VSTM4: variants seen among roughly 807,000 people sequenced by gnomAD.
The protein encoded by VSTM4 is V-set and transmembrane domain-containing protein 4.
VSTM4 carries 20 observed loss-of-function variants against 36.4 expected under a neutral mutation model. The ratio of observed to expected loss-of-function variants is 0.55; its 90% CI spans 0.39 to 0.80. VSTM4 has a LOEUF of 0.80. Ranked by LOEUF, VSTM4 falls within the 30% of genes least tolerant of loss-of-function variation. The pLI, the probability that VSTM4 is intolerant of heterozygous loss-of-function variation, is 0.00. For synonymous variants in VSTM4, 182 were observed against 173.9 expected, an observed-to-expected ratio of 1.05 and a Z score of -0.37; for missense variants, 392 against 404.5, an observed-to-expected ratio of 0.97 and a Z score of 0.26.
At chr10:49,046,110 G>T (rs893515185) in intron 7 of VSTM4, among the ~76,000 whole-genome samples, 5 of 152,132 alleles carry the variant, frequency 3.3e-5, no homozygotes, top group Admixed American at 2.6e-4. Flanking sequence ...AGTTTCCTGA[G>T]GACTCCCAAA....
intron 5 of VSTM4, 81 bp downstream of exon 5, chr10:49,064,622 T>C (rs2131978193): frequency 6.7e-7 from 1 of 1,487,756 alleles, no homozygotes; most frequent in East Asian, 2.3e-5. Flanking sequence ...AAACTACAAA[T>C]TTAATCAATT....
chr10:49,037,797 T>G (rs1843455163), intron 7 of VSTM4, among the ~76,000 whole-genome samples: 1 of 152,164 alleles, frequency 6.6e-6, no homozygotes, highest in Non-Finnish European at 1.5e-5. Context: ...AAATGGTCAA[T>G]GGACTTGAAT....
At chr10:49,053,612 C>G (rs576557130) in intron 5 of VSTM4, among the ~76,000 whole-genome samples, 94 of 152,294 alleles carry the variant, frequency 6.2e-4, no homozygotes, top group Middle Eastern at 3.4e-3. Context: ...AGCAACTGAC[C>G]CTAGTCTCCA....
intron 7 of VSTM4, among the ~76,000 whole-genome samples, chr10:49,036,477 A>G (rs1843433362): frequency 6.6e-6 from 1 of 152,158 alleles, no homozygotes; most frequent in African/African-American, 2.4e-5. Context: ...TATCCTTTTC[A>G]TGTAAAATTT....
At chr10:49,047,162 AAG>A in intron 6 of VSTM4, 118 bp from the exon 7 acceptor site, 1 of 1,046,220 alleles carries the variant, frequency 9.6e-7, no homozygotes, top group African/African-American at 1.6e-5. Flanking sequence ...GGTCCCATGG[AAG>A]AACTTTCTGA....
chr10:49,053,446 C>T (rs1296899569), intron 5 of VSTM4, among the ~76,000 whole-genome samples: 3 of 152,208 alleles, frequency 2.0e-5, no homozygotes, highest in African/African-American at 7.2e-5. Context: ...TCTACTTTGA[C>T]CAGAGAGGTG....
At chr10:49,083,825 G>A (rs1175196365) in intron 3 of VSTM4, among the ~76,000 whole-genome samples, 1 of 152,190 alleles carries the variant, frequency 6.6e-6, no homozygotes, top group Non-Finnish European at 1.5e-5. Context: ...TTGCACCATG[G>A]CATTTTCAAA....
rs1189175999 is a variant in VSTM4, at chr10:49,015,380, C to G, written c.*4270G>C. 1 of 152,190 alleles carries G rather than the reference C, an allele frequency of 6.6e-6. No homozygotes were observed. Among genetic ancestry groups the G allele is most frequent in the Admixed American group, 6.5e-5 (1 of 15,282 alleles). 9.4% of individuals were successfully genotyped at this position (152,190 alleles called of 1,614,324 possible). ...TCATGATCCGCCCGCCTCAGCCTCC[C>G]AAAGTGCTGGGATTACAGGCGTGAG... is the stretch of plus-strand genomic sequence containing the variant. On this transcript the variant is annotated 3_prime_UTR_variant, in exon 8 of 8. Coordinates refer to ENST00000332853, the MANE Select transcript of VSTM4 (RefSeq NM_001031746.5).
intron 2 of VSTM4, among the ~76,000 whole-genome samples, chr10:49,104,207 G>A (rs1844722381): frequency 6.6e-6 from 1 of 152,154 alleles, no homozygotes; most frequent in Admixed American, 6.5e-5. Context: ...ACTGAGACAG[G>A]AGAATTGCTT....
At chr10:49,046,850 G>T in intron 7 of VSTM4, 133 bp downstream of exon 7, 1 of 859,570 alleles carries the variant, frequency 1.2e-6, no homozygotes, top group Non-Finnish European at 1.9e-6. Flanking sequence ...TCTGAGAATA[G>T]AGAATGTTTT....
intron 5 of VSTM4, among the ~76,000 whole-genome samples, chr10:49,053,717 A>G (rs528771001): frequency 7.2e-4 from 109 of 152,298 alleles, no homozygotes; most frequent in African/African-American, 2.3e-3. Context: ...CAGCCCAGTG[A>G]GTAGGGCTGC....
At chr10:49,089,359 C>T (rs1190690439) in intron 2 of VSTM4, among the ~76,000 whole-genome samples, 2 of 152,160 alleles carry the variant, frequency 1.3e-5, no homozygotes. Flanking sequence ...AGTCCTTTGC[C>T]TCAGGGGGTG....
chr10:49,044,733 A>G (rs1308596278), intron 7 of VSTM4, among the ~76,000 whole-genome samples: 1 of 152,076 alleles, frequency 6.6e-6, no homozygotes, highest in Non-Finnish European at 1.5e-5. Flanking sequence ...TTCTTTATCC[A>G]TTCCTTCATG....
At chr10:49,030,178 G>C (rs988754148) in intron 7 of VSTM4, among the ~76,000 whole-genome samples, 1 of 152,188 alleles carries the variant, frequency 6.6e-6, no homozygotes, top group Non-Finnish European at 1.5e-5. Flanking sequence ...AGAGGTAACC[G>C]TTAGAGCCAC....
chr10:49,069,076 C>G (rs1481687540), intron 4 of VSTM4, among the ~76,000 whole-genome samples: 1 of 152,106 alleles, frequency 6.6e-6, no homozygotes, highest in African/African-American at 2.4e-5. Flanking sequence ...CACTCTCACC[C>G]CATGGCAAAC....
At chr10:49,102,986 A>G (rs1844695604) in intron 2 of VSTM4, 1 of 154,628 alleles carries the variant, frequency 6.5e-6, no homozygotes, top group African/African-American at 2.4e-5. Flanking sequence ...ACTCTTATGT[A>G]GACCAATCCG....
chr10:49,048,424 A>C, intron 6 of VSTM4, 54 bp downstream of exon 6: 1 of 1,489,532 alleles, frequency 6.7e-7, no homozygotes, highest in Non-Finnish European at 9.0e-7. Flanking sequence ...CCCCAGACCC[A>C]CAGGGATCAA....
intron 7 of VSTM4, among the ~76,000 whole-genome samples, chr10:49,020,793 G>C (rs1843172279): frequency 6.6e-6 from 1 of 151,472 alleles, no homozygotes; most frequent in Non-Finnish European, 1.5e-5. Flanking sequence ...GAGAGGGAGA[G>C]AGGGAGGAAG....
chr10:49,086,381 A>G (rs186518741), intron 2 of VSTM4, among the ~76,000 whole-genome samples: 7 of 152,352 alleles, frequency 4.6e-5, no homozygotes, highest in African/African-American at 1.4e-4. Context: ...AATGTAGTGT[A>G]CTTGTCCCAG....
Sources: allele counts gnomAD v4.1 joint callset (sites outside exome capture counted in the v4.1 genomes callset), GRCh38; gene constraint gnomAD v4.1.1; transcripts MANE v1.5; gene names NCBI Gene and HGNC (gene_info 2026-07-23, HGNC 2026-07-21).